The following TNFAIP8 variants were observed in gnomAD, a reference collection of about 807,000 sequenced individuals.
TNFAIP8 encodes the protein TNF alpha induced protein 8, also known as tumor necrosis factor alpha-induced protein 8.
In TNFAIP8, 7 loss-of-function variants were observed where a neutral mutation model predicts 13.3. That is an observed-to-expected ratio of 0.52 (90% CI 0.30 to 0.99). TNFAIP8 has a LOEUF of 0.99. Ranked by LOEUF, TNFAIP8 falls within the 50% of genes least tolerant of loss-of-function variation. The pLI is 0.07. For synonymous variants in TNFAIP8, 94 were observed against 87.6 expected, an observed-to-expected ratio of 1.07 and a Z score of -0.41; for missense variants, 258 against 236.9, an observed-to-expected ratio of 1.09 and a Z score of -0.58.
At chr5:119,291,867 A>T (rs911478950) in intron 1 of TNFAIP8, among the ~76,000 whole-genome samples, 11 of 152,240 alleles carry the variant, frequency 7.2e-5, no homozygotes, top group African/African-American at 2.7e-4. Context: ...CCCTCAAACT[A>T]AAAGAATGAA....
chr5:119,272,442 G>A (rs1748318614), intron 1 of TNFAIP8, among the ~76,000 whole-genome samples: 1 of 152,140 alleles, frequency 6.6e-6, no homozygotes, highest in South Asian at 2.1e-4. Context: ...GTTGCTAGTG[G>A]CAAAAATGGG....
At chr5:119,363,467 C>G (rs1220797095) in intron 1 of TNFAIP8, among the ~76,000 whole-genome samples, 1 of 152,202 alleles carries the variant, frequency 6.6e-6, no homozygotes, top group Non-Finnish European at 1.5e-5. Flanking sequence ...CCAGTAGATT[C>G]CTTTCCAGAT....
At chr5:119,389,911 C>T (rs1441320625) in intron 1 of TNFAIP8, among the ~76,000 whole-genome samples, 1 of 152,146 alleles carries the variant, frequency 6.6e-6, no homozygotes, top group African/African-American at 2.4e-5. Flanking sequence ...AATGATCTTG[C>T]TTAGTTGGCA....
In TNFAIP8 at chr5:119,312,508, G is replaced by C. The variant is rs567214221; in HGVS notation, c.1+43601G>C. Among the ~76,000 whole-genome samples the C allele has an allele frequency of 2.0e-5, 3 of 152,266 alleles. No individual in the cohort carries two copies. The South Asian group carries it at 6.2e-4, about 32-fold the overall frequency. ...TATTTCAGTGGGAAGTAGTGGTTGAGGTTAAGAGGCTTAATGACATACACC... is the reference window on the plus strand; with the variant it reads ...TATTTCAGTGGGAAGTAGTGGTTGACGTTAAGAGGCTTAATGACATACACC... On this transcript the variant is annotated intron_variant, in intron 1 of 1. Coordinates refer to the TNFAIP8 transcript ENST00000274456.
intron 1 of TNFAIP8, among the ~76,000 whole-genome samples, chr5:119,365,789 A>G (rs1046879956): frequency 6.6e-6 from 1 of 152,232 alleles, no homozygotes; most frequent in African/African-American, 2.4e-5. Flanking sequence ...CCTCCTCAAT[A>G]TCACAAGTCT....
At chr5:119,303,350 A>T (rs1470042840) in intron 1 of TNFAIP8, among the ~76,000 whole-genome samples, 1 of 152,184 alleles carries the variant, frequency 6.6e-6, no homozygotes, top group Non-Finnish European at 1.5e-5. Context: ...CACTGACAAC[A>T]TGTTATGCAG....
intron 1 of TNFAIP8, among the ~76,000 whole-genome samples, chr5:119,324,274 CAAAAAAAAAAAAAAAAAAAA>C (rs56104829): frequency 0.32 from 24,654 of 78,084 alleles, 3,592 homozygotes; most frequent in East Asian, 0.57. Flanking sequence ...GACGCCATCT[CAAAAAAAAAAAAAAAAAAAA>C]AAAAAAAAAA....
rs113691431 is a variant in TNFAIP8, at chr5:119,302,164, G to T, written c.1+33257G>T. On this transcript the variant is annotated intron_variant, in intron 1 of 1. Coordinates refer to the TNFAIP8 transcript ENST00000274456. The stretch of plus-strand genomic sequence containing the variant: ...GTCCTAGTTGGGGTCAGGCTAACTG[G>T]CCAGTGCATTGAACTTGACCTTCAA... Among the ~76,000 whole-genome samples, 175 of 152,314 alleles carry T rather than the reference G, an allele frequency of 1.1e-3. 1 individual carries two copies. The highest frequency in any genetic ancestry group is 3.9e-3 in the African/African-American group (164 of 41,568).
At chr5:119,392,711 G>A in intron 1 of TNFAIP8, 105 bp from the exon 2 acceptor site, 2 of 1,288,918 alleles carry the variant, frequency 1.6e-6, no homozygotes, top group Non-Finnish European at 2.1e-6. Flanking sequence ...CACAAATGGT[G>A]GGAAAATGAG....
chr5:119,317,190 T>C (rs1561997918), intron 1 of TNFAIP8, among the ~76,000 whole-genome samples: 7 of 152,226 alleles, frequency 4.6e-5, no homozygotes. Flanking sequence ...CTGGTTCCGA[T>C]TTCTTGGGTA....
intron 1 of TNFAIP8, among the ~76,000 whole-genome samples, chr5:119,279,820 ATAATT>A (rs1263147876): frequency 6.6e-6 from 1 of 152,240 alleles, no homozygotes; most frequent in Non-Finnish European, 1.5e-5. Context: ...GCTTTTAAAA[ATAATT>A]TAAAGTGTTA....
At chr5:119,289,785 G>A (rs1463622694) in intron 1 of TNFAIP8, among the ~76,000 whole-genome samples, 1 of 152,226 alleles carries the variant, frequency 6.6e-6, no homozygotes. Flanking sequence ...AGAAAAGTCC[G>A]AGGTAGAAGT....
chr5:119,399,598 T>C lies in TNFAIP8; in HGVS notation c.*6217T>C, dbSNP rs1458977598. The C allele has an allele frequency of 6.6e-6, 1 of 152,164 alleles. No individual in the cohort carries two copies. The highest frequency in any genetic ancestry group is 1.5e-5 in the Non-Finnish European group (1 of 68,028). 9.4% of individuals were successfully genotyped at this position (152,164 alleles called of 1,614,324 possible). On this transcript the variant is annotated 3_prime_UTR_variant, in exon 2 of 2. Transcript: ENST00000504771. ...GGTTTTTGCTTTCAATTTAGGAAAATTGTTTTGGGTTGCATTGTTGAAAGT... is the reference window on the plus strand; with the variant it reads ...GGTTTTTGCTTTCAATTTAGGAAAACTGTTTTGGGTTGCATTGTTGAAAGT...
upstream of TNFAIP8, among the ~76,000 whole-genome samples, chr5:119,353,831 G>T (rs936365125): frequency 6.6e-6 from 1 of 152,232 alleles, no homozygotes; most frequent in Non-Finnish European, 1.5e-5. Context: ...TAATTCTGCT[G>T]TAGGCAGATT....
chr5:119,320,983 G>A (rs1440845812), intron 1 of TNFAIP8, among the ~76,000 whole-genome samples: 3 of 152,214 alleles, frequency 2.0e-5, no homozygotes, highest in Non-Finnish European at 2.9e-5. Context: ...CCGGGAGGCC[G>A]AGGTGGGCGG....
intron 1 of TNFAIP8, among the ~76,000 whole-genome samples, 200 bp downstream of exon 1, chr5:119,356,321 A>G (rs1235986201): frequency 6.6e-6 from 1 of 152,148 alleles, no homozygotes; most frequent in Non-Finnish European, 1.5e-5. Context: ...GCAGCCGTTC[A>G]GAGGGGAGGG....
chr5:119,316,769 T>C (rs1040692097), intron 1 of TNFAIP8, among the ~76,000 whole-genome samples: 11 of 152,178 alleles, frequency 7.2e-5, no homozygotes, highest in African/African-American at 2.7e-4. Context: ...TAAGAACCAG[T>C]GCTCGAGAAC....
At chr5:119,383,159 A>G (rs1752550419) in intron 1 of TNFAIP8, among the ~76,000 whole-genome samples, 1 of 152,212 alleles carries the variant, frequency 6.6e-6, no homozygotes, top group Non-Finnish European at 1.5e-5. Context: ...TTTTTAATGT[A>G]GTTTGTAAGA....
intron 1 of TNFAIP8, among the ~76,000 whole-genome samples, chr5:119,312,764 A>AG (rs1749773095): frequency 6.6e-6 from 1 of 151,602 alleles, no homozygotes; most frequent in Non-Finnish European, 1.5e-5. Context: ...AAAAAAAAAA[A>AG]AAAGAATATG....
Sources: allele counts gnomAD v4.1 joint callset (sites outside exome capture counted in the v4.1 genomes callset), GRCh38; gene constraint gnomAD v4.1.1; transcripts MANE v1.5; gene names NCBI Gene and HGNC (gene_info 2026-07-23, HGNC 2026-07-21).